The following ATP8A2 variants were observed in gnomAD, a reference collection of about 807,000 sequenced individuals.
The protein encoded by ATP8A2 is ATPase phospholipid transporting 8A2, also known as phospholipid-transporting ATPase IB.
ATP8A2 carries 100 observed loss-of-function variants against 165.6 expected under a neutral mutation model. That is an observed-to-expected ratio of 0.60 (90% CI 0.51 to 0.71). The LOEUF (loss-of-function observed/expected upper bound fraction) is 0.71, where lower values mean the gene tolerates loss of function less well. Ranked by LOEUF, ATP8A2 falls within the 30% of genes least tolerant of loss-of-function variation. The pLI, the probability that ATP8A2 is intolerant of heterozygous loss-of-function variation, is 0.00. For synonymous variants in ATP8A2, 543 were observed against 548.8 expected, an observed-to-expected ratio of 0.99 and a Z score of 0.15; for missense variants, 1,227 against 1,479.5, an observed-to-expected ratio of 0.83 and a Z score of 2.80.
chr13:25,380,694 C>G (rs7335805), intron 1 of ATP8A2, among the ~76,000 whole-genome samples: 2,001 of 152,164 alleles, frequency 0.013, 42 homozygotes, highest in African/African-American at 0.045. Context: ...TATAGATCAT[C>G]TAGTCCAAAT....
intron 33 of ATP8A2, among the ~76,000 whole-genome samples, chr13:25,928,623 T>C (rs920763941): frequency 6.6e-6 from 1 of 152,226 alleles, no homozygotes; most frequent in Non-Finnish European, 1.5e-5. Context: ...AGAACAGTTG[T>C]AGGATTCCTG....
At chr13:25,697,426 C>T (rs375206966) in intron 24 of ATP8A2, among the ~76,000 whole-genome samples, 4 of 152,068 alleles carry the variant, frequency 2.6e-5, no homozygotes, top group South Asian at 2.1e-4. Flanking sequence ...ATTACAGGTG[C>T]GTGCCACCAC....
chr13:25,571,631 G>A lies in ATP8A2; in HGVS notation c.1601G>A (p.Gly534Glu). 6.2e-7 allele frequency: 1 copy of A among 1,613,778 alleles called. No homozygotes were observed. The highest frequency in any genetic ancestry group is 8.5e-7 in the Non-Finnish European group (1 of 1,179,884). ...SSPDEAALVKGAKKLGFVFTA... is the reference protein window; with the variant it reads ...SSPDEAALVKEAKKLGFVFTA... ...ACAGATGAAGCTGCTTTGGTGAAAG[G>A]AGCTAAAAAGCTGGGCTTTGTCTTC... Residue 534 changes from glycine (G) to glutamate (E), a missense_variant, in exon 18 of 37, where the codon GGA becomes GAA. Gly to Glu is a moderately conservative substitution (Grantham distance 98, BLOSUM62 -2). Transcript: ENST00000381655.
chr13:25,738,595 C>T (rs78675059), intron 25 of ATP8A2, among the ~76,000 whole-genome samples: 1 of 152,232 alleles, frequency 6.6e-6, no homozygotes, highest in African/African-American at 2.4e-5. Context: ...TGGAGGGCCC[C>T]ACCAATGTGT....
intron 30 of ATP8A2, among the ~76,000 whole-genome samples, chr13:25,855,273 A>C (rs1593455072): frequency 6.7e-6 from 1 of 149,272 alleles, no homozygotes; most frequent in Non-Finnish European, 1.5e-5. Flanking sequence ...AAAAAGAGTC[A>C]CTCCCCATTT....
intron 1 of ATP8A2, among the ~76,000 whole-genome samples, chr13:25,382,470 GT>G (rs1278606729): frequency 5.3e-5 from 8 of 152,188 alleles, no homozygotes; most frequent in Non-Finnish European, 1.2e-4. Flanking sequence ...TTGCTGGTTT[GT>G]ATGCTAAGAG....
rs150454723 is a variant in ATP8A2 at position 25,664,350 on chromosome 13, T to C, written c.2212-34823T>C. Among the ~76,000 whole-genome samples, 79 of 152,290 alleles carry C rather than the reference T, an allele frequency of 5.2e-4. 1 individual carries two copies. In the East Asian group the frequency reaches 0.014, roughly 28 times the overall value. ...AGAGAGAATATGAAATTAGATAAAA[T>C]GTAGCAATATTTGATGTCATCATTT... On this transcript the variant is annotated intron_variant, in intron 24 of 36. Transcript: ENST00000381655.
At chr13:25,881,039 T>TG (rs1180190469) in intron 33 of ATP8A2, 1 of 408,402 alleles carries the variant, frequency 2.4e-6, no homozygotes, top group East Asian at 7.8e-5. Flanking sequence ...TATTTATTGC[T>TG]GGAGGTATTA....
chr13:25,558,842 C>T (rs190665787), intron 13 of ATP8A2, 131 bp from the exon 14 acceptor site: 103 of 556,738 alleles, frequency 1.9e-4, no homozygotes, highest in Admixed American at 1.7e-3. Flanking sequence ...TTTTTTGTTA[C>T]TAATTTGCTT....
At chr13:25,634,632 A>G (rs1026936051) in intron 24 of ATP8A2, among the ~76,000 whole-genome samples, 2 of 152,140 alleles carry the variant, frequency 1.3e-5, no homozygotes, top group African/African-American at 4.8e-5. Context: ...AAAGAGTGGA[A>G]TTGAAAATAA....
chr13:25,551,223 A>G (rs1368787998), intron 10 of ATP8A2, 115 bp from the exon 11 acceptor site: 5 of 1,037,770 alleles, frequency 4.8e-6, no homozygotes, highest in Non-Finnish European at 7.1e-6. Flanking sequence ...TATTTGGCAA[A>G]AAAATAGTCT....
chr13:25,636,190 T>C (rs531293310), intron 24 of ATP8A2, among the ~76,000 whole-genome samples: 1 of 152,230 alleles, frequency 6.6e-6, no homozygotes, highest in South Asian at 2.1e-4. Flanking sequence ...TTATGAAAGC[T>C]TTTGTCTCAA....
At chr13:25,458,643 G>A (rs1195717281) in intron 1 of ATP8A2, among the ~76,000 whole-genome samples, 3 of 152,210 alleles carry the variant, frequency 2.0e-5, no homozygotes, top group Admixed American at 6.5e-5. Flanking sequence ...CCAGAAGGTG[G>A]AGTGGAAGGC....
intron 26 of ATP8A2, among the ~76,000 whole-genome samples, chr13:25,773,992 G>C (rs541376750): frequency 6.6e-6 from 1 of 152,144 alleles, no homozygotes; most frequent in Non-Finnish European, 1.5e-5. Context: ...AGACTGTATT[G>C]TGTGAGTGTC....
rs1957078427 is a variant in ATP8A2 at position 26,021,241 on chromosome 13, G to A, written c.*1256G>A. 6.6e-6 allele frequency: 1 copy of A among 152,436 alleles called. No individual in the cohort carries two copies. The highest frequency in any genetic ancestry group is 1.5e-5 in the Non-Finnish European group (1 of 68,176). 9.4% of individuals were successfully genotyped at this position (152,436 alleles called of 1,614,324 possible). A position where few individuals can be genotyped will look rare whatever the true frequency, so the allele number is the denominator to read the frequency against. On this transcript the variant is annotated 3_prime_UTR_variant, in exon 37 of 37. Transcript: ENST00000381655. ...ACGGAGACACTGAGAGGAGGACACA[G>A]AGGAATCGCCACCAGATCTTTGCAG... is the stretch of plus-strand genomic sequence containing the variant.
chr13:25,518,989 C>T (rs2037570218), intron 2 of ATP8A2, among the ~76,000 whole-genome samples: 1 of 152,218 alleles, frequency 6.6e-6, no homozygotes. Flanking sequence ...AGTGTGTCAA[C>T]ATGAGTGACA....
At chr13:25,908,431 C>T (rs946500496) in intron 33 of ATP8A2, among the ~76,000 whole-genome samples, 4 of 152,208 alleles carry the variant, frequency 2.6e-5, no homozygotes, top group South Asian at 4.1e-4. Flanking sequence ...ATCTTTGCAA[C>T]GTCTTGTCTT....
At chr13:25,530,681 A>G (rs1316287042) in intron 4 of ATP8A2, 21 bp downstream of exon 4, 3 of 1,414,234 alleles carry the variant, frequency 2.1e-6, no homozygotes, top group Non-Finnish European at 3.0e-6. Context: ...GCTTTTGGAT[A>G]ATAAAATCAT....
At chr13:25,662,305 G>A (rs550879013) in intron 24 of ATP8A2, among the ~76,000 whole-genome samples, 25 of 152,242 alleles carry the variant, frequency 1.6e-4, no homozygotes, top group African/African-American at 6.0e-4. Context: ...GTTGTTTTGT[G>A]GGCTACATTC....
Sources: gnomAD v4.1 joint callset for allele counts (sites outside exome capture counted in the v4.1 genomes callset) on GRCh38, gnomAD v4.1.1 for gene constraint, MANE v1.5 for transcripts, NCBI Gene and HGNC (gene_info 2026-07-23, HGNC 2026-07-21) for gene names.